Variants in CCSER1 observed in about 807,000 individuals in gnomAD.
CCSER1 encodes coiled-coil serine rich protein 1.
Under a neutral mutation model 82.0 loss-of-function variants are expected in CCSER1, and 41 were observed. The observed-to-expected ratio is 0.50, with a 90% CI of 0.39 to 0.65. CCSER1 has a LOEUF of 0.65. CCSER1 is among the 30% of genes least tolerant of loss of function. CCSER1 has a pLI of 0.00. For missense variants in CCSER1, 1,119 were observed against 1,064.2 expected (o/e 1.05, Z -0.72); for synonymous variants, 414 against 383.9 (o/e 1.08, Z -0.92).
At chr4:91,060,750 T>G (rs1430570207) in intron 9 of CCSER1, among the ~76,000 whole-genome samples, 2 of 152,034 alleles carry the variant, frequency 1.3e-5, no homozygotes, top group African/African-American at 4.8e-5. Flanking sequence ...GTTCAACATT[T>G]TAAGTGGGGT....
At chr4:90,720,301 T>TA (rs5860201) in intron 6 of CCSER1, among the ~76,000 whole-genome samples, 14 of 149,946 alleles carry the variant, frequency 9.3e-5, no homozygotes, top group East Asian at 1.9e-4. Context: ...AAAAAAAAAT[T>TA]AAAAAAAAAC....
rs1000517434 is a variant in CCSER1 at position 90,869,769 on chromosome 4, C to T, written c.2095-53601C>T. On this transcript the variant is annotated intron_variant, in intron 8 of 10. Transcript: ENST00000509176. ...GTCATCGGTATTTTGCTCAGGACTA[C>T]ATTGAATCTATAGATTGCTTTAGCT... 2.0e-5 allele frequency among the ~76,000 whole-genome samples: 3 copies of T among 151,596 alleles called. No individual in the cohort carries two copies. The East Asian group carries it at 5.8e-4, about 29-fold the overall frequency.
At chr4:91,431,294 T>C in intron 10 of CCSER1, among the ~76,000 whole-genome samples, 1 of 152,154 alleles carries the variant, frequency 6.6e-6, no homozygotes, top group East Asian at 1.9e-4. Context: ...AGCTAATACA[T>C]TCACAGAGCT....
intron 7 of CCSER1, among the ~76,000 whole-genome samples, chr4:90,801,518 A>C (rs1036366661): frequency 2.0e-5 from 3 of 152,322 alleles, no homozygotes; most frequent in Non-Finnish European, 4.4e-5. Flanking sequence ...GCTGATATCC[A>C]AACATTCTTC....
At chr4:91,146,548 CA>C (rs1179407706) in intron 10 of CCSER1, among the ~76,000 whole-genome samples, 2 of 147,784 alleles carry the variant, frequency 1.4e-5, no homozygotes, top group African/African-American at 5.0e-5. Context: ...CTGAGGGTGC[CA>C]GTGTTTCTTT....
intron 6 of CCSER1, among the ~76,000 whole-genome samples, chr4:90,637,385 A>C (rs1447563800): frequency 6.6e-6 from 1 of 152,302 alleles, no homozygotes; most frequent in East Asian, 1.9e-4. Flanking sequence ...CTAGTCTCAG[A>C]AGTAATATAC....
chr4:91,074,582 A>C (rs1721764641), intron 9 of CCSER1, among the ~76,000 whole-genome samples: 1 of 152,216 alleles, frequency 6.6e-6, no homozygotes, highest in South Asian at 2.1e-4. Context: ...CTGCTGAAAC[A>C]ATTTGTTTAA....
At chr4:91,164,508 A>G (rs563486699) in intron 10 of CCSER1, among the ~76,000 whole-genome samples, 1 of 152,246 alleles carries the variant, frequency 6.6e-6, no homozygotes, top group South Asian at 2.1e-4. Flanking sequence ...TCTCCTGGAT[A>G]ATATCCTGGA....
At chr4:91,182,431 T>C (rs920558593) in intron 10 of CCSER1, among the ~76,000 whole-genome samples, 1 of 152,222 alleles carries the variant, frequency 6.6e-6, no homozygotes. Flanking sequence ...ATCTGGCCTT[T>C]GGGCAGGCTC....
intron 5 of CCSER1, among the ~76,000 whole-genome samples, chr4:90,495,490 T>G (rs1456000227): frequency 1.3e-5 from 2 of 152,168 alleles, no homozygotes; most frequent in African/African-American, 4.8e-5. Flanking sequence ...CTTTCCTTCA[T>G]TCTTATAGAC....
chr4:90,281,451 T>G (rs1309646140), intron 1 of CCSER1, among the ~76,000 whole-genome samples: 1 of 152,012 alleles, frequency 6.6e-6, no homozygotes, highest in African/African-American at 2.4e-5. Context: ...AGTTTATCTA[T>G]AAAGTCAAGG....
In CCSER1 at chr4:90,233,475, G is replaced by A. The variant is rs1420846561; in HGVS notation, c.-41-74769G>A. On this transcript the variant is annotated intron_variant, in intron 1 of 10. Coordinates refer to ENST00000509176, the MANE Select transcript of CCSER1 (RefSeq NM_001145065.2). ...ACATCACACTCTGGGGACTGTTGTG[G>A]GGTGGGGAAAGTGGGGAGGGATAGC... is the stretch of plus-strand genomic sequence containing the variant. Among the ~76,000 whole-genome samples the A allele has an allele frequency of 2.0e-5, 3 of 152,230 alleles. No homozygotes were observed. The East Asian group carries it at 5.8e-4, about 29-fold the overall frequency.
In CCSER1 at chr4:91,337,264, G is replaced by A. The variant is rs146033247; in HGVS notation, c.2217+251270G>A. On this transcript the variant is annotated intron_variant, in intron 10 of 10. Coordinates refer to ENST00000509176, the MANE Select transcript of CCSER1 (RefSeq NM_001145065.2). ...TAGAATGATAATGCTTACTTATAACGCATGAACATCCACCATAATTTTCTA... is the reference window on the plus strand; with the variant it reads ...TAGAATGATAATGCTTACTTATAACACATGAACATCCACCATAATTTTCTA... 5.8e-3 allele frequency among the ~76,000 whole-genome samples: 875 copies of A among 152,118 alleles called. 10 individuals carry two copies. Among genetic ancestry groups the A allele is most frequent in the African/African-American group, 0.02 (838 of 41,536 alleles).
intron 7 of CCSER1, among the ~76,000 whole-genome samples, chr4:90,792,198 T>A (rs1755357087): frequency 6.6e-6 from 1 of 152,148 alleles, no homozygotes; most frequent in Non-Finnish European, 1.5e-5. Context: ...TTTTTTCTCT[T>A]GGAAATTTTA....
chr4:90,948,980 C>G (rs1346160000), intron 9 of CCSER1, among the ~76,000 whole-genome samples: 1 of 151,932 alleles, frequency 6.6e-6, no homozygotes, highest in Non-Finnish European at 1.5e-5. Flanking sequence ...ATTAGCGTAA[C>G]AAGAATATGT....
At chr4:91,567,984 T>C (rs1762976961) in intron 10 of CCSER1, among the ~76,000 whole-genome samples, 1 of 152,150 alleles carries the variant, frequency 6.6e-6, no homozygotes, top group Non-Finnish European at 1.5e-5. Flanking sequence ...TAATTGTGTT[T>C]CTGTATTAGC....
intron 10 of CCSER1, among the ~76,000 whole-genome samples, chr4:91,371,554 A>G (rs769019143): frequency 6.6e-6 from 1 of 152,076 alleles, no homozygotes; most frequent in Non-Finnish European, 1.5e-5. Flanking sequence ...ATATGTGGCA[A>G]ATTTTCTTTA....
chr4:90,414,597 T>A (rs905271659), intron 4 of CCSER1, among the ~76,000 whole-genome samples: 7 of 152,160 alleles, frequency 4.6e-5, no homozygotes, highest in Non-Finnish European at 8.8e-5. Flanking sequence ...TTATCTGTCC[T>A]CACTTTCTTA....
intron 10 of CCSER1, among the ~76,000 whole-genome samples, chr4:91,387,194 G>A (rs1751351018): frequency 1.3e-5 from 2 of 151,748 alleles, no homozygotes; most frequent in African/African-American, 4.8e-5. Flanking sequence ...ATTATTTAGG[G>A]ATAAAAATAT....
Sources: allele counts gnomAD v4.1 joint callset (sites outside exome capture counted in the v4.1 genomes callset), GRCh38; gene constraint gnomAD v4.1.1; transcripts MANE v1.5; gene names NCBI Gene and HGNC (gene_info 2026-07-23, HGNC 2026-07-21).